The following COMMD7 variants were observed in gnomAD, a reference collection of about 807,000 sequenced individuals.
COMMD7 encodes the protein COMM domain-containing protein 7.
In COMMD7, 28 loss-of-function variants were observed where a neutral mutation model predicts 34.8. The ratio of observed to expected loss-of-function variants is 0.80; its 90% CI spans 0.60 to 1.10. The LOEUF is 1.10. Ranked by LOEUF, COMMD7 falls within the 50% of genes least tolerant of loss-of-function variation. The pLI, the probability that COMMD7 is intolerant of heterozygous loss-of-function variation, is 0.00. For synonymous variants in COMMD7, 80 were observed against 86.4 expected (o/e 0.93, Z 0.41); for missense variants, 211 against 241.6 (o/e 0.87, Z 0.84).
intron 1 of COMMD7, among the ~76,000 whole-genome samples, chr20:32,740,084 G>A (rs951604542): frequency 3.5e-5 from 5 of 141,660 alleles, no homozygotes; most frequent in African/African-American, 1.1e-4. Flanking sequence ...TTGGGAGGCC[G>A]AGGTGGGCAG....
chr20:32,742,263 C>T (rs1235026886), intron 1 of COMMD7, among the ~76,000 whole-genome samples: 5 of 152,130 alleles, frequency 3.3e-5, no homozygotes, highest in Non-Finnish European at 1.5e-5. Context: ...AGAAATGTGG[C>T]TTGCAAATTT....
chr20:32,707,061 CAGG>C (rs890143860), intron 3 of COMMD7, among the ~76,000 whole-genome samples: 6 of 148,674 alleles, frequency 4.0e-5, no homozygotes, highest in Admixed American at 3.4e-4. Context: ...ATCACGACAT[CAGG>C]AGATCGAGAC....
chr20:32,740,073 T>G (rs1986348210), intron 1 of COMMD7, among the ~76,000 whole-genome samples: 1 of 138,836 alleles, frequency 7.2e-6, no homozygotes, highest in East Asian at 2.5e-4. Context: ...ATCCCAAAAC[T>G]TTGGGAGGCC....
chr20:32,719,275 C>T (rs543638046), intron 3 of COMMD7, among the ~76,000 whole-genome samples: 1 of 152,236 alleles, frequency 6.6e-6, no homozygotes, highest in Admixed American at 6.6e-5. Context: ...CATAACTAGG[C>T]ATGTAGGGCT....
At position 32,718,200 on chromosome 20, in the gene COMMD7, C is replaced by T. The variant is rs563004275; in HGVS notation, c.241+9693G>A. On this transcript the variant is annotated intron_variant, in intron 3 of 8. Coordinates refer to ENST00000278980, the MANE Select transcript of COMMD7 (RefSeq NM_053041.3). The stretch of plus-strand genomic sequence containing the variant: ...CGGGCAGATCACAAGGTCAGGAGAT[C>T]GAGACCATCCTGGCTAACACGGTGA... Among the ~76,000 whole-genome samples, 760 of 150,678 alleles carry T rather than the reference C, an allele frequency of 5.0e-3. 4 individuals are homozygous for T. Among genetic ancestry groups the T allele is most frequent in the African/African-American group, 0.018 (730 of 40,958 alleles).
Position 32,703,404 on chromosome 20 carries a change from G to A in COMMD7, c.581C>T (p.Thr194Ile). ...AAATCAGCAGAAACACTCCATGCTGGTTCTGACTCGCTCCATCTCGTGCAG... is the reference window on the plus strand; with the variant it reads ...AAATCAGCAGAAACACTCCATGCTGATTCTGACTCGCTCCATCTCGTGCAG... Reference protein sequence around the residue: ...SFLHEMERVRTSMECFC With the variant: ...SFLHEMERVRISMECFC The change falls in exon 9 of 9, where the codon ACC becomes ATC. Residue 194 changes from threonine to isoleucine, a missense_variant. Transcript: ENST00000278980. The A allele has an allele frequency of 6.2e-7, 1 of 1,614,036 alleles. No individual in the cohort carries two copies. Among genetic ancestry groups the A allele is most frequent in the Middle Eastern group, 1.7e-4 (1 of 6,060 alleles).
intron 2 of COMMD7, 34 bp downstream of exon 2, chr20:32,728,055 G>A (rs2064936): frequency 0.17 from 269,070 of 1,611,688 alleles, 24,812 homozygotes; most frequent in East Asian, 0.38. Flanking sequence ...CAGGGAGCAC[G>A]GACCCACTCC....
intron 3 of COMMD7, among the ~76,000 whole-genome samples, chr20:32,715,533 C>A (rs899991693): frequency 1.3e-5 from 2 of 151,252 alleles, no homozygotes; most frequent in East Asian, 3.9e-4. Flanking sequence ...GGCGGCCAGG[C>A]GTGATGGCTC....
At chr20:32,713,446 C>T (rs28523897) in intron 3 of COMMD7, among the ~76,000 whole-genome samples, 105,583 of 152,160 alleles carry the variant, frequency 0.69, 37,310 homozygotes, top group Middle Eastern at 0.82. Flanking sequence ...AGGGTGACGA[C>T]TTCAGTTTTG....
At chr20:32,726,113 G>A (rs1985497327) in intron 3 of COMMD7, among the ~76,000 whole-genome samples, 1 of 150,340 alleles carries the variant, frequency 6.7e-6, no homozygotes, top group Non-Finnish European at 1.5e-5. Context: ...GACTTTGGCT[G>A]AGTACAGTGG....
intron 1 of COMMD7, among the ~76,000 whole-genome samples, chr20:32,730,561 C>A (rs917639630): frequency 8.0e-5 from 12 of 150,682 alleles, no homozygotes; most frequent in Admixed American, 3.3e-4. Flanking sequence ...TTTCAAAAAA[C>A]AACAACAACA....
chr20:32,717,682 CA>C (rs1374048599), intron 3 of COMMD7, among the ~76,000 whole-genome samples: 1 of 151,930 alleles, frequency 6.6e-6, no homozygotes, highest in Non-Finnish European at 1.5e-5. Flanking sequence ...GGCTGTTCTT[CA>C]ACTCCTGGCC....
In COMMD7 at chr20:32,735,195, G is replaced by A. The variant is rs1185435061; in HGVS notation, c.85-7053C>T. ...AGAGGTTGCAGTGAGCCAAGATTGC[G>A]CCATTGCACTCCAGCCTGGGCAACA... On this transcript the variant is annotated intron_variant, in intron 1 of 8. Coordinates refer to ENST00000278980, the MANE Select transcript of COMMD7 (RefSeq NM_053041.3). Among the ~76,000 whole-genome samples, 14 of 148,432 alleles carry A rather than the reference G, an allele frequency of 9.4e-5. No individual in the cohort carries two copies. In the East Asian group the frequency reaches 2.4e-3, roughly 26 times the overall value.
At chr20:32,714,856 A>ACAACAACAACAACAAC (rs1555823789) in intron 3 of COMMD7, among the ~76,000 whole-genome samples, 2 of 150,028 alleles carry the variant, frequency 1.3e-5, no homozygotes, top group African/African-American at 2.5e-5. Flanking sequence ...AACAACAACA[A>ACAACAACAACAACAAC]AAATTAGCCA....
intron 3 of COMMD7, among the ~76,000 whole-genome samples, chr20:32,727,271 G>A (rs962506917): frequency 1.4e-4 from 22 of 151,892 alleles, no homozygotes; most frequent in African/African-American, 4.6e-4. Flanking sequence ...GATTCAGGCC[G>A]GGTACGGTGG....
chr20:32,728,550 T>A (rs1441861633), intron 1 of COMMD7, among the ~76,000 whole-genome samples: 2 of 151,938 alleles, frequency 1.3e-5, no homozygotes, highest in Non-Finnish European at 1.5e-5. Flanking sequence ...GTTTTACCTA[T>A]CCATATTTTC....
At chr20:32,726,382 C>T (rs1038052380) in intron 3 of COMMD7, among the ~76,000 whole-genome samples, 17 of 151,420 alleles carry the variant, frequency 1.1e-4, no homozygotes, top group African/African-American at 3.9e-4. Flanking sequence ...GGTGACAGAG[C>T]GAGACTCCGT....
Position 32,704,936 on chromosome 20 carries a change from C to T in COMMD7, c.337-32G>A, listed in dbSNP as rs761063639. On this transcript the variant is annotated intron_variant, in intron 5 of 8. Coordinates refer to ENST00000278980, the MANE Select transcript of COMMD7 (RefSeq NM_053041.3). ...CAAAAGCAAAAGACAAAGTCAATTA[C>T]AATAGGAAAATCTCCCCCTCTCCAT... is the stretch of plus-strand genomic sequence containing the variant. 4.0e-6 allele frequency: 6 copies of T among 1,514,700 alleles called. No individual in the cohort carries two copies. The Admixed American group carries it at 1.0e-4, about 25-fold the overall frequency. 93.8% of individuals were successfully genotyped at this position (1,514,700 alleles called of 1,614,324 possible).
intron 3 of COMMD7, among the ~76,000 whole-genome samples, chr20:32,708,022 A>G (rs1325150107): frequency 2.6e-5 from 4 of 152,184 alleles, no homozygotes; most frequent in Admixed American, 2.0e-4. Flanking sequence ...TGTCCTAAGA[A>G]GTTAGCTTTC....
Sources: allele counts gnomAD v4.1 joint callset (sites outside exome capture counted in the v4.1 genomes callset), GRCh38; gene constraint gnomAD v4.1.1; transcripts MANE v1.5; gene names NCBI Gene and HGNC (gene_info 2026-07-23, HGNC 2026-07-21).